HDAC9: variants seen among roughly 807,000 people sequenced by gnomAD.
HDAC9 encodes the protein MEF-2 interacting transcription repressor (MITR) protein.
In HDAC9, 41 loss-of-function variants were observed where a neutral mutation model predicts 139.4. The ratio of observed to expected loss-of-function variants is 0.29; its 90% CI spans 0.23 to 0.38. The LOEUF (loss-of-function observed/expected upper bound fraction) is 0.38, where lower values mean the gene tolerates loss of function less well. HDAC9 is among the 10% of genes least tolerant of loss of function. The pLI, the probability that HDAC9 is intolerant of heterozygous loss-of-function variation, is 1.00. For missense variants in HDAC9, 1,147 were observed against 1,297.0 expected (o/e 0.88, Z 1.78); for synonymous variants, 517 against 476.2 (o/e 1.09, Z -1.12).
chr7:18,468,492 A>C (rs1050098762), intron 1 of HDAC9, among the ~76,000 whole-genome samples: 1 of 151,790 alleles, frequency 6.6e-6, no homozygotes, highest in African/African-American at 2.4e-5. Context: ...TGCAGTGGCT[A>C]TTCATTCACA....
chr7:18,093,540 T>C (rs1782306301), intron 1 of HDAC9, among the ~76,000 whole-genome samples: 1 of 152,224 alleles, frequency 6.6e-6, no homozygotes, highest in Admixed American at 6.5e-5. Context: ...TATAGGTCTC[T>C]CTTAGATCTA....
chr7:18,705,634 C>G (rs1369857144), intron 12 of HDAC9, among the ~76,000 whole-genome samples: 1 of 151,626 alleles, frequency 6.6e-6, no homozygotes, highest in Non-Finnish European at 1.5e-5. Context: ...GCAGATTGCT[C>G]GAGGTCAGGG....
At chr7:18,859,584 C>T (rs186395843) in intron 21 of HDAC9, among the ~76,000 whole-genome samples, 12 of 151,224 alleles carry the variant, frequency 7.9e-5, no homozygotes, top group Admixed American at 2.6e-4. Context: ...CTGCCTTCCT[C>T]AGAAAGGCCA....
At chr7:18,135,356 G>T (rs1343641199) in intron 1 of HDAC9, among the ~76,000 whole-genome samples, 5 of 144,680 alleles carry the variant, frequency 3.5e-5, no homozygotes, top group African/African-American at 1.0e-4. Context: ...CATTGTGCAG[G>T]TTAGTTACAT....
At chr7:18,207,661 C>A (rs1791632899) in intron 2 of HDAC9, among the ~76,000 whole-genome samples, 1 of 150,582 alleles carries the variant, frequency 6.6e-6, no homozygotes, top group Non-Finnish European at 1.5e-5. Context: ...CATACACACA[C>A]ACACACTTAC....
intron 22 of HDAC9, among the ~76,000 whole-genome samples, chr7:18,879,763 A>G (rs1322071991): frequency 6.6e-6 from 1 of 152,146 alleles, no homozygotes; most frequent in African/African-American, 2.4e-5. Flanking sequence ...TAAAGATTTT[A>G]TGACAAAGAC....
intron 1 of HDAC9, among the ~76,000 whole-genome samples, chr7:18,298,280 GTTTTTTT>G (rs869168141): frequency 2.1e-5 from 3 of 144,708 alleles, no homozygotes; most frequent in African/African-American, 7.5e-5. Flanking sequence ...ACATTTTTAT[GTTTTTTT>G]TTTTTTTTTT....
chr7:18,701,410 AAC>A, intron 12 of HDAC9, among the ~76,000 whole-genome samples: 3 of 137,550 alleles, frequency 2.2e-5, no homozygotes, highest in Middle Eastern at 3.6e-3. Context: ...AAAAAAACAA[AAC>A]AAACAAAAAA....
chr7:18,755,948 A>C (rs1349189733), intron 14 of HDAC9, among the ~76,000 whole-genome samples: 1 of 152,114 alleles, frequency 6.6e-6, no homozygotes, highest in African/African-American at 2.4e-5. Context: ...CGTAGTCCCA[A>C]GTGTTGGTCA....
At position 18,727,757 on chromosome 7, in the gene HDAC9, G is replaced by C; in HGVS notation, c.1909G>C (p.Gly637Arg). ...CCCCCTCCAGCCTGGCTCTGCAACT[G>C]GTAGGAATCCCTAAAGACTCTCTCT... ...DRPLQPGSATGIAYDPLMLKH... is the reference protein window; with the variant it reads ...DRPLQPGSATRIAYDPLMLKH... The change falls in exon 13 of 26, where the codon GGA (glycine) becomes CGA (arginine). Residue 637 changes from glycine to arginine, a missense_variant and splice_region_variant. Coordinates refer to ENST00000686413, the MANE Select transcript of HDAC9 (RefSeq NM_178425.4). The C allele has an allele frequency of 1.3e-6, 2 of 1,514,522 alleles. No individual in the cohort carries two copies. Among genetic ancestry groups the C allele is most frequent in the Admixed American group, 2.5e-5 (1 of 40,530 alleles). 93.8% of individuals were successfully genotyped at this position (1,514,522 alleles called of 1,614,324 possible). A position where few individuals can be genotyped will look rare whatever the true frequency, so the allele number is the denominator to read the frequency against.
chr7:18,373,742 A>G (rs1784765884), intron 1 of HDAC9, among the ~76,000 whole-genome samples: 1 of 152,106 alleles, frequency 6.6e-6, no homozygotes, highest in Non-Finnish European at 1.5e-5. Context: ...CTTCTTTTCT[A>G]ATCATTGACA....
intron 1 of HDAC9, among the ~76,000 whole-genome samples, chr7:18,427,063 G>A (rs572992231): frequency 6.6e-6 from 1 of 152,186 alleles, no homozygotes; most frequent in Middle Eastern, 3.4e-3. Flanking sequence ...TCAACTCTTT[G>A]ATCCTTCATA....
chr7:18,321,897 G>A (rs185292000), intron 1 of HDAC9, among the ~76,000 whole-genome samples: 68 of 152,188 alleles, frequency 4.5e-4, no homozygotes, highest in African/African-American at 1.5e-3. Flanking sequence ...GGCAGAAATC[G>A]AAATATTTCT....
At chr7:18,423,923 A>T (rs1281521307) in intron 1 of HDAC9, among the ~76,000 whole-genome samples, 1 of 152,214 alleles carries the variant, frequency 6.6e-6, no homozygotes, top group Non-Finnish European at 1.5e-5. Context: ...ATTTATAAGG[A>T]GGGAAGGAAC....
intron 22 of HDAC9, among the ~76,000 whole-genome samples, chr7:18,901,331 C>T (rs1801702197): frequency 6.6e-6 from 1 of 151,098 alleles, no homozygotes; most frequent in African/African-American, 2.4e-5. Context: ...TCTGCTGGGA[C>T]AGAATTAAAA....
chr7:18,418,328 T>C (rs996266767), intron 1 of HDAC9, among the ~76,000 whole-genome samples: 2 of 151,820 alleles, frequency 1.3e-5, no homozygotes, highest in Non-Finnish European at 2.9e-5. Flanking sequence ...GAATAAATCC[T>C]AGTATTTTTT....
intron 2 of HDAC9, among the ~76,000 whole-genome samples, chr7:18,542,301 T>C (rs1813247454): frequency 6.6e-6 from 1 of 152,188 alleles, no homozygotes; most frequent in Admixed American, 6.5e-5. Context: ...CTGTGGAACT[T>C]GATCAAATTA....
chr7:18,667,519 A>G (rs1795167152), intron 12 of HDAC9: 1 of 984,732 alleles, frequency 1.0e-6, no homozygotes, highest in Non-Finnish European at 1.2e-6. Context: ...CAGGAGGACT[A>G]TGTCCTTTGA....
intron 24 of HDAC9, among the ~76,000 whole-genome samples, chr7:18,966,822 C>T (rs1783888656): frequency 6.6e-6 from 1 of 152,168 alleles, no homozygotes; most frequent in Non-Finnish European, 1.5e-5. Flanking sequence ...AGCATTTACA[C>T]TCTCAATACT....
Sources: allele counts gnomAD v4.1 joint callset (sites outside exome capture counted in the v4.1 genomes callset), GRCh38; gene constraint gnomAD v4.1.1; transcripts MANE v1.5; gene names NCBI Gene and HGNC (gene_info 2026-07-23, HGNC 2026-07-21).